NELL1: variants seen among roughly 807,000 people sequenced by gnomAD.
NELL1 encodes the protein neural EGFL like 1.
NELL1 carries 76 observed loss-of-function variants against 107.4 expected under a neutral mutation model. That is an observed-to-expected ratio of 0.71 (90% CI 0.59 to 0.86). The LOEUF is 0.86. NELL1 is among the 40% of genes least tolerant of loss of function. The probability of loss-of-function intolerance (pLI) is 0.00; values close to 1 mark genes in which losing one functional copy is unlikely to be tolerated. For missense variants in NELL1, 1,024 were observed against 1,005.5 expected, an observed-to-expected ratio of 1.02 and a Z score of -0.25; for synonymous variants, 353 against 341.2, an observed-to-expected ratio of 1.03 and a Z score of -0.38.
chr11:20,735,383 A>C (rs1044421732), intron 2 of NELL1, among the ~76,000 whole-genome samples: 2 of 152,188 alleles, frequency 1.3e-5, no homozygotes, highest in Non-Finnish European at 2.9e-5. Context: ...TGACAGAAGG[A>C]GAAGCAAACA....
At chr11:21,046,789 C>T (rs1479165938) in intron 12 of NELL1, among the ~76,000 whole-genome samples, 1 of 151,770 alleles carries the variant, frequency 6.6e-6, no homozygotes, top group Non-Finnish European at 1.5e-5. Flanking sequence ...CTCACTACAG[C>T]TTTGACTTCC....
rs537147966 is a variant in NELL1, at chr11:21,126,744, G to A, written c.1426+13030G>A. 1.6e-3 allele frequency among the ~76,000 whole-genome samples: 250 copies of A among 152,316 alleles called. 1 individual carries two copies. Among genetic ancestry groups the A allele is most frequent in the African/African-American group, 5.8e-3 (240 of 41,568 alleles). On this transcript the variant is annotated intron_variant, in intron 13 of 19. Coordinates refer to ENST00000357134, the MANE Select transcript of NELL1 (RefSeq NM_006157.5). ...TTAAGATACATTTGGAAAGCCGCTT[G>A]CCTTGAGAAGCCCAGGCTGTGTAGA...
chr11:21,419,472 TAGAG>T (rs1852605655), intron 15 of NELL1, among the ~76,000 whole-genome samples: 5 of 152,148 alleles, frequency 3.3e-5, no homozygotes, highest in Admixed American at 2.6e-4. Flanking sequence ...GTCACGGAAA[TAGAG>T]TCCAATCAGT....
intron 3 of NELL1, among the ~76,000 whole-genome samples, chr11:20,808,036 C>G (rs1408914959): frequency 6.6e-6 from 1 of 152,192 alleles, no homozygotes; most frequent in South Asian, 2.1e-4. Context: ...GCTTGGTGCT[C>G]TATCCCACTG....
At chr11:20,682,248 T>C (rs958213792) in intron 2 of NELL1, among the ~76,000 whole-genome samples, 1 of 152,052 alleles carries the variant, frequency 6.6e-6, no homozygotes, top group Non-Finnish European at 1.5e-5. Context: ...GCTGCATCTT[T>C]AATTGTAACA....
intron 11 of NELL1, among the ~76,000 whole-genome samples, chr11:20,954,934 C>A (rs1335157126): frequency 1.3e-4 from 20 of 152,044 alleles, no homozygotes; most frequent in Admixed American, 1.3e-3. Context: ...AAGAAAAGGA[C>A]AGTTAAAGTC....
At chr11:21,112,997 T>G (rs536064160) in intron 12 of NELL1, among the ~76,000 whole-genome samples, 1 of 152,014 alleles carries the variant, frequency 6.6e-6, no homozygotes, top group Non-Finnish European at 1.5e-5. Context: ...AGAACAAGAC[T>G]TTTTGTTGAA....
intron 17 of NELL1, among the ~76,000 whole-genome samples, chr11:21,567,630 A>C (rs1028697961): frequency 1.3e-5 from 2 of 151,824 alleles, no homozygotes; most frequent in Non-Finnish European, 2.9e-5. Flanking sequence ...TTCTCCTTAA[A>C]GAATATAAAG....
intron 14 of NELL1, among the ~76,000 whole-genome samples, chr11:21,248,151 C>A (rs1252928756): frequency 6.6e-6 from 1 of 152,070 alleles, no homozygotes; most frequent in Admixed American, 6.6e-5. Context: ...TCAAGACCAA[C>A]CTGAGCAACA....
chr11:21,240,933 G>T (rs1590763852), intron 14 of NELL1, among the ~76,000 whole-genome samples: 1 of 151,962 alleles, frequency 6.6e-6, no homozygotes, highest in East Asian at 1.9e-4. Context: ...CAGAGGGAGT[G>T]GAAATCTGAC....
chr11:21,235,986 A>G (rs1359069503), intron 14 of NELL1, among the ~76,000 whole-genome samples: 4 of 152,134 alleles, frequency 2.6e-5, no homozygotes, highest in African/African-American at 9.7e-5. Flanking sequence ...CTCTTATGAT[A>G]TCATCTTTCC....
chr11:21,527,183 T>G (rs1452492822), intron 15 of NELL1, among the ~76,000 whole-genome samples: 1 of 152,022 alleles, frequency 6.6e-6, no homozygotes. Context: ...AGTCTCTTTG[T>G]GTAGCAAAAG....
chr11:20,868,694 TAAAAG>T (rs1214954631), intron 4 of NELL1, among the ~76,000 whole-genome samples: 1 of 151,908 alleles, frequency 6.6e-6, no homozygotes, highest in African/African-American at 2.4e-5. Flanking sequence ...TGCAAGGAAA[TAAAAG>T]AAAACCCAAA....
At chr11:21,406,965 C>G (rs2133805120) in intron 15 of NELL1, among the ~76,000 whole-genome samples, 1 of 152,192 alleles carries the variant, frequency 6.6e-6, no homozygotes, top group South Asian at 2.1e-4. Flanking sequence ...ACCAACCTCT[C>G]TTCACCCTCC....
chr11:20,905,275 A>C (rs1207164527), intron 5 of NELL1, among the ~76,000 whole-genome samples: 1 of 152,178 alleles, frequency 6.6e-6, no homozygotes, highest in Admixed American at 6.6e-5. Context: ...TAAAAAACAA[A>C]GAAAAACAAA....
chr11:21,217,772 G>A (rs911644584), intron 13 of NELL1, among the ~76,000 whole-genome samples: 1 of 152,140 alleles, frequency 6.6e-6, no homozygotes, highest in East Asian at 1.9e-4. Context: ...AAAGCCACAA[G>A]CCAGCAGACC....
intron 11 of NELL1, among the ~76,000 whole-genome samples, chr11:20,955,418 A>G (rs1202464794): frequency 6.6e-6 from 1 of 152,240 alleles, no homozygotes; most frequent in Non-Finnish European, 1.5e-5. Context: ...TATATGACAT[A>G]GTGAGAAGCA....
intron 15 of NELL1, among the ~76,000 whole-genome samples, chr11:21,507,875 G>T (rs115253310): frequency 0.14 from 21,393 of 151,578 alleles, 1,661 homozygotes; most frequent in Non-Finnish European, 0.17. Context: ...CTACCTGCCG[G>T]GTTCCAGCGA....
At chr11:20,684,499 T>A (rs1209346946) in intron 2 of NELL1, among the ~76,000 whole-genome samples, 1 of 152,158 alleles carries the variant, frequency 6.6e-6, no homozygotes, top group African/African-American at 2.4e-5. Context: ...TCTTTGAATA[T>A]ATGAATACAG....
Sources: allele counts gnomAD v4.1 joint callset (sites outside exome capture counted in the v4.1 genomes callset), GRCh38; gene constraint gnomAD v4.1.1; transcripts MANE v1.5; gene names NCBI Gene and HGNC (gene_info 2026-07-23, HGNC 2026-07-21).